The following AGPAT4 variants were observed in gnomAD, a reference collection of about 807,000 sequenced individuals.
AGPAT4 encodes 1-acylglycerol-3-phosphate O-acyltransferase 4, also known as 1-acyl-sn-glycerol-3-phosphate acyltransferase delta.
AGPAT4 carries 15 observed loss-of-function variants against 48.0 expected under a neutral mutation model. The ratio of observed to expected loss-of-function variants is 0.31; its 90% CI spans 0.21 to 0.48. The LOEUF (loss-of-function observed/expected upper bound fraction) is 0.48. Ranked by LOEUF, AGPAT4 falls within the 20% of genes least tolerant of loss-of-function variation. AGPAT4 has a pLI of 0.99. For synonymous variants in AGPAT4, 178 were observed against 198.7 expected (o/e 0.90, Z 0.88); for missense variants, 314 against 482.5 (o/e 0.65, Z 3.27).
Position 161,198,439 on chromosome 6 carries a change from G to C in AGPAT4, c.179-32022C>G, listed in dbSNP as rs532849806. ...GCTGTTAAGCATCCTACAATGCACA[G>C]AACAGCCCCATGACAAAGAATGATC... On this transcript the variant is annotated intron_variant, in intron 2 of 8. Coordinates refer to ENST00000320285, the MANE Select transcript of AGPAT4 (RefSeq NM_020133.3). This position sits in a 1 kb window ranked among gnomAD's most constrained non-coding sequence, Gnocchi z 4.3. Among the ~76,000 whole-genome samples the C allele has an allele frequency of 1.3e-5, 2 of 152,222 alleles. No homozygotes were observed. The highest frequency in any genetic ancestry group is 2.1e-4 in the South Asian group (1 of 4,838).
Position 161,169,679 on chromosome 6 carries a change from A to G in AGPAT4, c.179-3262T>C, listed in dbSNP as rs77901568. 0.056 allele frequency among the ~76,000 whole-genome samples: 8,474 copies of G among 152,260 alleles called. 333 individuals are homozygous for G. The highest frequency in any genetic ancestry group is 0.07 in the Non-Finnish European group (4,793 of 68,020). On this transcript the variant is annotated intron_variant, in intron 2 of 8. Coordinates refer to ENST00000320285, the MANE Select transcript of AGPAT4 (RefSeq NM_020133.3). The surrounding 1 kb of genome is among the most constrained non-coding windows in gnomAD (Gnocchi z 5.0). ...ATTTCACTTCTTTTTTAATTCACAG[A>G]AACACATTTATACAGTCACATTGTA... is the stretch of plus-strand genomic sequence containing the variant.
rs77705024 is a variant in AGPAT4, at chr6:161,195,461, C to A, written c.179-29044G>T. 6.6e-6 allele frequency among the ~76,000 whole-genome samples: 1 copy of A among 152,256 alleles called. No individual in the cohort carries two copies. The highest frequency in any genetic ancestry group is 1.9e-4 in the East Asian group (1 of 5,184). Reference sequence around the variant, plus strand: ...TTAAAGCCACCTAGAAATACAGCAACTTCATGTTCATCAGAATCAGAAGTT... The same window carrying A: ...TTAAAGCCACCTAGAAATACAGCAAATTCATGTTCATCAGAATCAGAAGTT... On this transcript the variant is annotated intron_variant, in intron 2 of 8. Transcript: ENST00000320285. The surrounding 1 kb of genome is among the most constrained non-coding windows in gnomAD (Gnocchi z 5.0).
At chr6:161,172,225 T>C (rs552619317) in intron 2 of AGPAT4, among the ~76,000 whole-genome samples, 1 of 152,284 alleles carries the variant, frequency 6.6e-6, no homozygotes, top group South Asian at 2.1e-4. Flanking sequence ...AGAGGAACCC[T>C]CAGTGCGAGA....
In AGPAT4 at chr6:161,221,036, A is replaced by G. The variant is rs1454742000; in HGVS notation, c.178+11000T>C. Among the ~76,000 whole-genome samples the G allele has an allele frequency of 6.6e-6, 1 of 152,098 alleles. No individual in the cohort carries two copies. The highest frequency in any genetic ancestry group is 2.4e-5 in the African/African-American group (1 of 41,416). On this transcript the variant is annotated intron_variant, in intron 2 of 8. Transcript: ENST00000320285. This position sits in a 1 kb window ranked among gnomAD's most constrained non-coding sequence, Gnocchi z 4.5. ...TGACCTCAGGTGATCTACCCGCCTC[A>G]GCCTCCCAAAGTGCTGGATTACAGG...
rs544356999 is a variant in AGPAT4 at position 161,231,107 on chromosome 6, T to G, written c.178+929A>C. On this transcript the variant is annotated intron_variant, in intron 2 of 8. Coordinates refer to ENST00000320285, the MANE Select transcript of AGPAT4 (RefSeq NM_020133.3). This position sits in a 1 kb window ranked among gnomAD's most constrained non-coding sequence, Gnocchi z 5.3. ...CAATAATTTTAGACTCTTGGCATAA[T>G]CTTAGTTGATGTTTTTAATAGACAA... 1.2e-3 allele frequency among the ~76,000 whole-genome samples: 185 copies of G among 152,304 alleles called. No individual in the cohort carries two copies. Among genetic ancestry groups the G allele is most frequent in the African/African-American group, 4.3e-3 (178 of 41,560 alleles).
rs762116213 is a variant in AGPAT4 at position 161,261,487 on chromosome 6, T to G, written c.-90+12451A>C. On this transcript the variant is annotated intron_variant, in intron 1 of 8. Coordinates refer to ENST00000320285, the MANE Select transcript of AGPAT4 (RefSeq NM_020133.3). This position sits in a 1 kb window ranked among gnomAD's most constrained non-coding sequence, Gnocchi z 5.3. ...TAGAATGAATGAACTGAATGGTCAG[T>G]CACATTCACCACACTGCTCCAGGGA... Among the ~76,000 whole-genome samples the G allele has an allele frequency of 9.2e-5, 14 of 152,150 alleles. No individual in the cohort carries two copies. Among genetic ancestry groups the G allele is most frequent in the Non-Finnish European group, 1.3e-4 (9 of 68,034 alleles).
At position 161,233,577 on chromosome 6, in the gene AGPAT4, A is replaced by G. The variant is rs2115037600; in HGVS notation, c.-89-1275T>C. ...TTCAGAGAAATTTTAATTCGAGGCC[A>G]TACAACTCTTCTGTTTTTCACTTTC... On this transcript the variant is annotated intron_variant, in intron 1 of 8. Transcript: ENST00000320285. The surrounding 1 kb of genome is among the most constrained non-coding windows in gnomAD (Gnocchi z 5.4). 6.6e-6 allele frequency among the ~76,000 whole-genome samples: 1 copy of G among 152,368 alleles called. No homozygotes were observed. Among genetic ancestry groups the G allele is most frequent in the African/African-American group, 2.4e-5 (1 of 41,592 alleles).
At chr6:161,183,930 G>A (rs530090897) in intron 2 of AGPAT4, among the ~76,000 whole-genome samples, 2 of 152,152 alleles carry the variant, frequency 1.3e-5, no homozygotes, top group South Asian at 2.1e-4. Flanking sequence ...GGGCAAGGAC[G>A]AAGGGAAGGA....
In AGPAT4 at chr6:161,184,189, G is replaced by A. The variant is rs568467864; in HGVS notation, c.179-17772C>T. Among the ~76,000 whole-genome samples, 3 of 152,108 alleles carry A rather than the reference G, an allele frequency of 2.0e-5. No homozygotes were observed. The highest frequency in any genetic ancestry group is 4.2e-4 in the South Asian group (2 of 4,786). On this transcript the variant is annotated intron_variant, in intron 2 of 8. Transcript: ENST00000320285. This position sits in a 1 kb window ranked among gnomAD's most constrained non-coding sequence, Gnocchi z 4.8. Reference sequence around the variant, plus strand: ...AGCAGGTTACGGGTGGAAGGCAGGTGTTGAAGCAGGCTACTGCAGTCAGCC... The same window carrying A: ...AGCAGGTTACGGGTGGAAGGCAGGTATTGAAGCAGGCTACTGCAGTCAGCC...
intron 2 of AGPAT4, among the ~76,000 whole-genome samples, chr6:161,230,940 C>T (rs1295133497): frequency 6.6e-6 from 1 of 152,160 alleles, no homozygotes; most frequent in Non-Finnish European, 1.5e-5. Flanking sequence ...ATGTCTATGA[C>T]TTTTCTTCCT....
rs1036975625 is a variant in AGPAT4, at chr6:161,221,472, A to G, written c.178+10564T>C. Among the ~76,000 whole-genome samples the G allele has an allele frequency of 6.6e-6, 1 of 152,178 alleles. No homozygotes were observed. Among genetic ancestry groups the G allele is most frequent in the African/African-American group, 2.4e-5 (1 of 41,442 alleles). On this transcript the variant is annotated intron_variant, in intron 2 of 8. Transcript: ENST00000320285. The surrounding 1 kb of genome is among the most constrained non-coding windows in gnomAD (Gnocchi z 4.5). ...ATAAAGGTAGGGGTGGGAGAGATAG[A>G]AAGGAGAAAAAGGGAGAGGAGAGAG...
chr6:161,164,845 T>C lies in AGPAT4; in HGVS notation c.348+1403A>G, dbSNP rs920392007. Among the ~76,000 whole-genome samples, 2 of 152,168 alleles carry C rather than the reference T, an allele frequency of 1.3e-5. No individual in the cohort carries two copies. Among genetic ancestry groups the C allele is most frequent in the African/African-American group, 2.4e-5 (1 of 41,442 alleles). ...TCCACGAATTATGAATGTTTGCACA[T>C]TCTAAGCATGAACACTACCAGAAAG... On this transcript the variant is annotated intron_variant, in intron 3 of 8. Transcript: ENST00000320285. The surrounding 1 kb of genome is among the most constrained non-coding windows in gnomAD (Gnocchi z 7.4).
In AGPAT4 at chr6:161,270,007, G is replaced by A. The variant is rs776962826; in HGVS notation, c.-90+3931C>T. Among the ~76,000 whole-genome samples, 3 of 152,196 alleles carry A rather than the reference G, an allele frequency of 2.0e-5. No homozygotes were observed. The highest frequency in any genetic ancestry group is 4.4e-5 in the Non-Finnish European group (3 of 68,028). The stretch of plus-strand genomic sequence containing the variant: ...GAGTGTGCCAAGGAAAAGAAGACAG[G>A]TAGATGGATTGTTCCATGACAATGT... On this transcript the variant is annotated intron_variant, in intron 1 of 8. Coordinates refer to ENST00000320285, the MANE Select transcript of AGPAT4 (RefSeq NM_020133.3). This position sits in a 1 kb window ranked among gnomAD's most constrained non-coding sequence, Gnocchi z 5.3.
rs116453450 is a variant in AGPAT4 at position 161,149,586 on chromosome 6, C to T, written c.665-297G>A. Among the ~76,000 whole-genome samples the T allele has an allele frequency of 3.9e-5, 6 of 151,928 alleles. No homozygotes were observed. The highest frequency in any genetic ancestry group is 1.2e-4 in the African/African-American group (5 of 41,334). The stretch of plus-strand genomic sequence containing the variant: ...TTGGAGATGGAGTCTCACTCTGTCA[C>T]CCAGGAGTGCAGTGGTGCAATCTCG... On this transcript the variant is annotated intron_variant, in intron 5 of 8. Transcript: ENST00000320285. The surrounding 1 kb of genome is among the most constrained non-coding windows in gnomAD (Gnocchi z 6.5).
Position 161,223,293 on chromosome 6 carries a change from G to A in AGPAT4, c.178+8743C>T, listed in dbSNP as rs530880561. Among the ~76,000 whole-genome samples the A allele has an allele frequency of 8.5e-5, 13 of 152,328 alleles. No individual in the cohort carries two copies. In the South Asian group the frequency reaches 1.9e-3, roughly 22 times the overall value. On this transcript the variant is annotated intron_variant, in intron 2 of 8. Coordinates refer to ENST00000320285, the MANE Select transcript of AGPAT4 (RefSeq NM_020133.3). This position sits in a 1 kb window ranked among gnomAD's most constrained non-coding sequence, Gnocchi z 6.3. ...TGGGCGGCGACAGGCATTCTGCAGC[G>A]AATTAGCATGCACAGGTTTGATCCT...
intron 2 of AGPAT4, among the ~76,000 whole-genome samples, chr6:161,181,378 A>G (rs191266909): frequency 1.5e-4 from 22 of 151,552 alleles, no homozygotes; most frequent in Non-Finnish European, 2.2e-4. Flanking sequence ...CCACACTTAC[A>G]CTTCCTCCCT....
Position 161,236,460 on chromosome 6 carries a change from C to T in AGPAT4, c.-89-4158G>A, listed in dbSNP as rs1782278546. ...TTTTTCCTGAAATTCACCCCATGACCTTGAGACACCCTAGGGATGGGAGTG... is the reference window on the plus strand; with the variant it reads ...TTTTTCCTGAAATTCACCCCATGACTTTGAGACACCCTAGGGATGGGAGTG... On this transcript the variant is annotated intron_variant, in intron 1 of 8. Transcript: ENST00000320285. This position sits in a 1 kb window ranked among gnomAD's most constrained non-coding sequence, Gnocchi z 5.0. Among the ~76,000 whole-genome samples, 1 of 152,118 alleles carries T rather than the reference C, an allele frequency of 6.6e-6. No homozygotes were observed. Among genetic ancestry groups the T allele is most frequent in the Non-Finnish European group, 1.5e-5 (1 of 68,024 alleles).
Position 161,214,261 on chromosome 6 carries a change from G to C in AGPAT4, c.178+17775C>G, listed in dbSNP as rs911166784. On this transcript the variant is annotated intron_variant, in intron 2 of 8. Transcript: ENST00000320285. The surrounding 1 kb of genome is among the most constrained non-coding windows in gnomAD (Gnocchi z 5.4). ...AATGTATAAAACCAAGCTGTGCTTTGACCACCTGGGCACATGTTGTCAGGA... is the reference window on the plus strand; with the variant it reads ...AATGTATAAAACCAAGCTGTGCTTTCACCACCTGGGCACATGTTGTCAGGA... Among the ~76,000 whole-genome samples, 3 of 152,104 alleles carry C rather than the reference G, an allele frequency of 2.0e-5. No individual in the cohort carries two copies. The highest frequency in any genetic ancestry group is 2.0e-4 in the Admixed American group (3 of 15,278).
chr6:161,220,513 C>T lies in AGPAT4; in HGVS notation c.178+11523G>A, dbSNP rs1781804728. ...ACGGATGGCCTTGGTGAGATGACTTCATTTTATAGTTCCTCAAGCAGAGCA... is the reference window on the plus strand; with the variant it reads ...ACGGATGGCCTTGGTGAGATGACTTTATTTTATAGTTCCTCAAGCAGAGCA... On this transcript the variant is annotated intron_variant, in intron 2 of 8. Coordinates refer to ENST00000320285, the MANE Select transcript of AGPAT4 (RefSeq NM_020133.3). The surrounding 1 kb of genome is among the most constrained non-coding windows in gnomAD (Gnocchi z 6.0). Among the ~76,000 whole-genome samples the T allele has an allele frequency of 6.6e-6, 1 of 152,134 alleles. No individual in the cohort carries two copies. Among genetic ancestry groups the T allele is most frequent in the Non-Finnish European group, 1.5e-5 (1 of 68,026 alleles).
Sources: gnomAD v4.1 joint callset for allele counts (sites outside exome capture counted in the v4.1 genomes callset) on GRCh38, gnomAD v4.1.1 for gene constraint, Gnocchi (gnomAD v3.1) non-coding constraint, MANE v1.5 for transcripts, NCBI Gene and HGNC (gene_info 2026-07-23, HGNC 2026-07-21) for gene names.